NCAM1: variants seen among roughly 807,000 people sequenced by gnomAD.
The protein encoded by NCAM1 is antigen recognized by monoclonal antibody 5.1H11.
Under a neutral mutation model 109.8 loss-of-function variants are expected in NCAM1, and 14 were observed. The ratio of observed to expected loss-of-function variants is 0.13; its 90% CI spans 0.08 to 0.20. The LOEUF is 0.20. Among genes scored for constraint, NCAM1 ranks in the 10% least tolerant of loss-of-function variants. The probability of loss-of-function intolerance (pLI) is 1.00; values close to 1 mark genes in which losing one functional copy is unlikely to be tolerated. For synonymous variants in NCAM1, 418 were observed against 442.9 expected (o/e 0.94, Z 0.70); for missense variants, 774 against 1,109.9 (o/e 0.70, Z 4.30).
rs145493999 is a variant in NCAM1 at position 112,961,554 on chromosome 11, A to AG, written c.-49dup. 159,714 of 917,026 alleles carry AG rather than the reference A, an allele frequency of 0.17. 2,593 individuals are homozygous for AG. The highest frequency in any genetic ancestry group is 0.32 in the South Asian group (22,471 of 70,180). The allele number at this position is 917,026 out of a possible 1,614,324, so 56.8% of individuals were successfully genotyped here. ...CTCAGCCGCCGTCCACACTCGCTGC[A>AG]GGGGGGGGGGCACAGAATTTACCGC... On this transcript the variant is annotated 5_prime_UTR_variant, in exon 1 of 20. Transcript: ENST00000316851.
chr11:113,275,880 T>G lies in NCAM1; in HGVS notation c.*493T>G, dbSNP rs1425832362. 6.5e-6 allele frequency: 1 copy of G among 153,118 alleles called. No homozygotes were observed. Among genetic ancestry groups the G allele is most frequent in the Non-Finnish European group, 1.5e-5 (1 of 68,514 alleles). The allele number at this position is 153,118 out of a possible 1,614,324, so 9.5% of individuals were successfully genotyped here. ...TACTTTCAGTCAAGTTTGAACTCTG[T>G]AAAACCTCATAAATAAGTTATAATT... On this transcript the variant is annotated 3_prime_UTR_variant, in exon 20 of 20. Transcript: ENST00000316851.
chr11:112,997,089 T>G (rs558234694), intron 1 of NCAM1, among the ~76,000 whole-genome samples: 1 of 151,816 alleles, frequency 6.6e-6, no homozygotes, highest in Non-Finnish European at 1.5e-5. Context: ...AATGAGGGAG[T>G]GGGCACAAGG....
At position 113,207,941 on chromosome 11, in the gene NCAM1, C is replaced by T. The variant is rs144643875; in HGVS notation, c.855C>T (p.Tyr285=). ...KKVDKNDEAE[Y]ICIAENKAGE... ...TGGATAAGAACGACGAGGCTGAGTA[C>T]ATCTGCATTGCTGAGAACAAGGCTG... Residue 285 remains tyrosine (Y), a synonymous_variant, in exon 7 of 20, where the codon TAC becomes TAT. Coordinates refer to ENST00000316851, the MANE Select transcript of NCAM1 (RefSeq NM_181351.5). 3.7e-5 allele frequency: 60 copies of T among 1,612,518 alleles called. No individual in the cohort carries two copies. In the East Asian group the frequency reaches 1.2e-3, roughly 32 times the overall value.
Position 113,260,439 on chromosome 11 carries a change from T to C in NCAM1, c.2131+116T>C. 6.0e-6 allele frequency: 7 copies of C among 1,169,972 alleles called. No individual in the cohort carries two copies. The South Asian group carries it at 6.2e-5, about 10-fold the overall frequency. The allele number at this position is 1,169,972 out of a possible 1,614,324, so 72.5% of individuals were successfully genotyped here. On this transcript the variant is annotated intron_variant, in intron 17 of 19. Transcript: ENST00000316851. The stretch of plus-strand genomic sequence containing the variant: ...TGCTTGCTTACAGCCATCCTCATGA[T>C]TGGTTGCCCATGCAAAGCTTAGTTT...
chr11:113,054,845 C>T (rs1288070823), intron 1 of NCAM1, among the ~76,000 whole-genome samples: 1 of 152,002 alleles, frequency 6.6e-6, no homozygotes, highest in Non-Finnish European at 1.5e-5. Flanking sequence ...AAGAGAGCCA[C>T]TCAAAGGGGA....
intron 1 of NCAM1, among the ~76,000 whole-genome samples, chr11:112,975,435 G>T (rs1410658597): frequency 1.3e-5 from 2 of 151,962 alleles, no homozygotes; most frequent in Admixed American, 6.6e-5. Flanking sequence ...TCTAGACCAC[G>T]TTCAAAAAGT....
intron 1 of NCAM1, among the ~76,000 whole-genome samples, chr11:113,134,354 A>G (rs1555098994): frequency 6.6e-6 from 1 of 152,130 alleles, no homozygotes; most frequent in African/African-American, 2.4e-5. Flanking sequence ...TTCATTGTAG[A>G]TATAGACCAC....
intron 19 of NCAM1, 54 bp from the exon 20 acceptor site, chr11:113,275,213 C>T (rs547676313): frequency 9.3e-6 from 15 of 1,605,946 alleles, no homozygotes; most frequent in African/African-American, 4.0e-5. Flanking sequence ...GATGCAGGGG[C>T]GAGATGTCTG....
rs76410494 is a variant in NCAM1 at position 113,155,730 on chromosome 11, T to G, written c.53-46649T>G. Among the ~76,000 whole-genome samples the G allele has an allele frequency of 9.8e-3, 1,484 of 152,184 alleles. 20 individuals carry two copies. Among genetic ancestry groups the G allele is most frequent in the African/African-American group, 0.034 (1,395 of 41,500 alleles). ...ATGTCCTTTTCTTCATTCTCAAAAT[T>G]TTTGACTTGTCTTAGAGTCCTTTCC... On this transcript the variant is annotated intron_variant, in intron 1 of 19. Transcript: ENST00000316851.
intron 1 of NCAM1, among the ~76,000 whole-genome samples, chr11:113,102,604 G>A (rs1432383436): frequency 1.3e-5 from 2 of 152,176 alleles, no homozygotes; most frequent in Non-Finnish European, 2.9e-5. Flanking sequence ...ACTTCTCATA[G>A]ATATCTGTAC....
intron 1 of NCAM1, among the ~76,000 whole-genome samples, chr11:113,021,495 A>G (rs554940109): frequency 6.6e-6 from 1 of 152,230 alleles, no homozygotes; most frequent in African/African-American, 2.4e-5. Context: ...GTCTTAAGAG[A>G]CAAACTGGAG....
chr11:113,248,132 G>C (rs1945555203), intron 15 of NCAM1, among the ~76,000 whole-genome samples: 2 of 151,562 alleles, frequency 1.3e-5, no homozygotes, highest in Admixed American at 1.3e-4. Flanking sequence ...GACATTTTAA[G>C]CCAGGGCAAG....
intron 9 of NCAM1, among the ~76,000 whole-genome samples, chr11:113,223,233 C>T (rs569298555): frequency 8.5e-5 from 13 of 152,216 alleles, no homozygotes. Flanking sequence ...TGTGCAGGAG[C>T]CATAGTAAAA....
intron 1 of NCAM1, among the ~76,000 whole-genome samples, chr11:113,129,373 C>T (rs1304997474): frequency 6.6e-6 from 1 of 152,190 alleles, no homozygotes; most frequent in Non-Finnish European, 1.5e-5. Flanking sequence ...GGAGCTGGAG[C>T]TGTACGTCTC....
chr11:113,009,331 T>TTTTTTTTTTTTTTTTTTTTG (rs1565379756), intron 1 of NCAM1, among the ~76,000 whole-genome samples: 1 of 136,616 alleles, frequency 7.3e-6, no homozygotes. Context: ...TTTTTTTTTT[T>TTTTTTTTTTTTTTTTTTTTG]TTTTTTTTTT....
At chr11:113,269,679 T>G in intron 17 of NCAM1, 1 of 182,448 alleles carries the variant, frequency 5.5e-6, no homozygotes, top group African/African-American at 2.4e-5. Context: ...TGGAGAAGTA[T>G]AATGGGGATG....
chr11:113,021,244 A>G (rs1952375988), intron 1 of NCAM1, among the ~76,000 whole-genome samples: 1 of 152,218 alleles, frequency 6.6e-6, no homozygotes, highest in Admixed American at 6.5e-5. Flanking sequence ...ATCACTGCAA[A>G]GGATCATGAG....
chr11:113,098,647 C>T (rs905646035), intron 1 of NCAM1, among the ~76,000 whole-genome samples: 9 of 152,148 alleles, frequency 5.9e-5, no homozygotes, highest in African/African-American at 1.9e-4. Flanking sequence ...GAAGAGGCCC[C>T]TTTAAGTAGA....
intron 1 of NCAM1, among the ~76,000 whole-genome samples, chr11:113,164,165 G>A (rs1470423077): frequency 6.6e-6 from 1 of 152,128 alleles, no homozygotes; most frequent in Non-Finnish European, 1.5e-5. Context: ...GGGGGTACAT[G>A]CTCTGCAGTC....
Sources: gnomAD v4.1 joint callset for allele counts (sites outside exome capture counted in the v4.1 genomes callset) on GRCh38, gnomAD v4.1.1 for gene constraint, MANE v1.5 for transcripts, NCBI Gene and HGNC (gene_info 2026-07-23, HGNC 2026-07-21) for gene names.